Variants in PIGN observed in about 807,000 individuals in gnomAD.
PIGN encodes the protein GPI ethanolamine phosphate transferase 1.
In PIGN, 117 loss-of-function variants were observed where a neutral mutation model predicts 125.4. The observed-to-expected ratio is 0.93, with a 90% CI of 0.80 to 1.09. PIGN has a LOEUF of 1.09. Among genes scored for constraint, PIGN ranks in the 50% least tolerant of loss-of-function variants. The pLI is 0.00. For synonymous variants in PIGN, 392 were observed against 377.8 expected (o/e 1.04, Z -0.44); for missense variants, 1,075 against 1,094.9 (o/e 0.98, Z 0.26).
At chr18:62,019,777 A>G (rs1568102102) in intron 23 of PIGN, among the ~76,000 whole-genome samples, 1 of 152,242 alleles carries the variant, frequency 6.6e-6, no homozygotes, top group East Asian at 1.9e-4. Context: ...AAGCAACAAT[A>G]ACACTGGACA....
At chr18:62,063,066 C>T (rs1343606691) in intron 30 of PIGN, among the ~76,000 whole-genome samples, 1 of 150,846 alleles carries the variant, frequency 6.6e-6, no homozygotes, top group African/African-American at 2.4e-5. Context: ...ATGTACTGAG[C>T]ATCAACACTC....
At chr18:62,133,953 T>TA (rs1302670597) in intron 14 of PIGN, among the ~76,000 whole-genome samples, 3 of 152,332 alleles carry the variant, frequency 2.0e-5, no homozygotes, top group Admixed American at 6.5e-5. Flanking sequence ...CCTACATTTT[T>TA]AAAAAACATG....
rs2037263945 is a variant in PIGN at position 62,169,280 on chromosome 18, T to G, written c.-235-5624A>C. Among the ~76,000 whole-genome samples, 3 of 152,334 alleles carry G rather than the reference T, an allele frequency of 2.0e-5. No homozygotes were observed. In the South Asian group the frequency reaches 6.2e-4, roughly 32 times the overall value. On this transcript the variant is annotated intron_variant, in intron 1 of 30. Transcript: ENST00000640252. ...ATAAATACTTTTAGAATCATATATGTTTGTTCCTTTTTATTATTGAGCATT... is the reference window on the plus strand; with the variant it reads ...ATAAATACTTTTAGAATCATATATGGTTGTTCCTTTTTATTATTGAGCATT...
downstream of PIGN, among the ~76,000 whole-genome samples, chr18:62,040,420 G>A (rs1391018067): frequency 6.6e-6 from 1 of 152,154 alleles, no homozygotes; most frequent in Non-Finnish European, 1.5e-5. Flanking sequence ...AGTACTCACT[G>A]GGTATTTTGC....
intron 1 of PIGN, among the ~76,000 whole-genome samples, chr18:62,181,278 A>T (rs2037706892): frequency 6.6e-6 from 1 of 152,204 alleles, no homozygotes; most frequent in Non-Finnish European, 1.5e-5. Flanking sequence ...CATCTCATAA[A>T]TATCAGTATT....
At chr18:62,121,247 G>A (rs1197852381) in intron 14 of PIGN, among the ~76,000 whole-genome samples, 1 of 152,152 alleles carries the variant, frequency 6.6e-6, no homozygotes, top group African/African-American at 2.4e-5. Flanking sequence ...TGTCATTTTA[G>A]TCTTAGGAAA....
At chr18:62,080,476 CCA>C (rs1239878651) in intron 28 of PIGN, among the ~76,000 whole-genome samples, 1 of 152,192 alleles carries the variant, frequency 6.6e-6, no homozygotes, top group Non-Finnish European at 1.5e-5. Context: ...TGAATGTGTG[CCA>C]GACAGAGTTC....
chr18:62,098,644 T>C (rs1343274982), intron 22 of PIGN, among the ~76,000 whole-genome samples: 1 of 152,176 alleles, frequency 6.6e-6, no homozygotes, highest in African/African-American at 2.4e-5. Context: ...AAAATGCTCA[T>C]TAAAGCTAGA....
intron 7 of PIGN, among the ~76,000 whole-genome samples, chr18:62,150,444 G>A (rs1476936597): frequency 6.6e-6 from 1 of 152,198 alleles, no homozygotes; most frequent in African/African-American, 2.4e-5. Context: ...TGGAAATAGG[G>A]CAAAGCAAAG....
rs116579910 is a variant in PIGN at position 62,061,375 on chromosome 18, C to G, written c.2672+11298G>C. On this transcript the variant is annotated intron_variant, in intron 30 of 30. Transcript: ENST00000640252. ...CGGGGCAGTCAGCTCCCACTCCTCTCTCAAATTCTGGGACAGATTCCCGCC... is the reference window on the plus strand; with the variant it reads ...CGGGGCAGTCAGCTCCCACTCCTCTGTCAAATTCTGGGACAGATTCCCGCC... Among the ~76,000 whole-genome samples the G allele has an allele frequency of 5.7e-3, 866 of 151,708 alleles. 6 individuals are homozygous for G. The highest frequency in any genetic ancestry group is 0.02 in the African/African-American group (806 of 41,286).
intron 16 of PIGN, 197 bp from the exon 17 acceptor site, chr18:62,110,170 A>G (rs895352742): frequency 4.5e-6 from 2 of 448,322 alleles, no homozygotes; most frequent in African/African-American, 2.0e-5. Context: ...AAAAACCTAG[A>G]TAACCTGGAA....
intron 23 of PIGN, among the ~76,000 whole-genome samples, chr18:62,034,587 G>C (rs997288631): frequency 6.6e-6 from 1 of 152,210 alleles, no homozygotes; most frequent in Non-Finnish European, 1.5e-5. Flanking sequence ...CTGGATGTGA[G>C]ACATGGAGTC....
At chr18:62,177,893 C>T (rs940880503) in intron 1 of PIGN, among the ~76,000 whole-genome samples, 1 of 152,164 alleles carries the variant, frequency 6.6e-6, no homozygotes, top group Admixed American at 6.5e-5. Context: ...AGTACTCTCA[C>T]ACTAAGCTTG....
chr18:62,145,816 C>T, intron 10 of PIGN, 93 bp downstream of exon 10: 1 of 670,354 alleles, frequency 1.5e-6, no homozygotes, highest in Non-Finnish European at 2.7e-6. Flanking sequence ...GAGGGATTTA[C>T]AACTAAAATT....
chr18:62,180,795 T>G (rs991225516), intron 1 of PIGN, among the ~76,000 whole-genome samples: 7 of 152,172 alleles, frequency 4.6e-5, no homozygotes, highest in Non-Finnish European at 8.8e-5. Context: ...ATATAAATGT[T>G]GTTCATAGGG....
chr18:62,091,681 A>G (rs1345516531), intron 23 of PIGN, among the ~76,000 whole-genome samples: 1 of 152,208 alleles, frequency 6.6e-6, no homozygotes, highest in East Asian at 1.9e-4. Flanking sequence ...AGAAATGCTC[A>G]TGAGACAACA....
intron 14 of PIGN, among the ~76,000 whole-genome samples, chr18:62,115,791 C>T (rs1309399833): frequency 1.3e-5 from 2 of 152,060 alleles, no homozygotes; most frequent in Non-Finnish European, 2.9e-5. Flanking sequence ...TGAACTCTCT[C>T]AGAGTTCTAT....
rs570867408 is a variant in PIGN, at chr18:62,187,004, T to G, written c.-396A>C. On this transcript the variant is annotated 5_prime_UTR_variant, in exon 1 of 31. Transcript: ENST00000640252. ...GCCACCACTACAACCACCCCTCAATTCCGGAACGCCCCCAATACCTGCCCG... is the reference window on the plus strand; with the variant it reads ...GCCACCACTACAACCACCCCTCAATGCCGGAACGCCCCCAATACCTGCCCG... The G allele has an allele frequency of 1.3e-5, 2 of 152,644 alleles. No homozygotes were observed. The highest frequency in any genetic ancestry group is 1.9e-4 in the East Asian group (1 of 5,180). The allele number at this position is 152,644 out of a possible 1,614,324, so 9.5% of individuals were successfully genotyped here. A position where few individuals can be genotyped will look rare whatever the true frequency, so the allele number is the denominator to read the frequency against.
chr18:62,155,195 C>T (rs1216185217), intron 6 of PIGN, among the ~76,000 whole-genome samples: 1 of 152,130 alleles, frequency 6.6e-6, no homozygotes, highest in African/African-American at 2.4e-5. Context: ...ATATGACAAT[C>T]TCATATATTT....
Sources: allele counts gnomAD v4.1 joint callset (sites outside exome capture counted in the v4.1 genomes callset), GRCh38; gene constraint gnomAD v4.1.1; transcripts MANE v1.5; gene names NCBI Gene and HGNC (gene_info 2026-07-23, HGNC 2026-07-21).